GATAD2A: variants seen among roughly 807,000 people sequenced by gnomAD.
GATAD2A encodes GATA zinc finger domain containing 2A.
Under a neutral mutation model 68.5 loss-of-function variants are expected in GATAD2A, and 12 were observed. That is an observed-to-expected ratio of 0.18 (90% CI 0.11 to 0.28). The LOEUF (loss-of-function observed/expected upper bound fraction) is 0.28. GATAD2A is among the 10% of genes least tolerant of loss of function. The pLI is 1.00. For missense variants in GATAD2A, 755 were observed against 868.5 expected, an observed-to-expected ratio of 0.87 and a Z score of 1.64; for synonymous variants, 410 against 375.3, an observed-to-expected ratio of 1.09 and a Z score of -1.07.
chr19:19,419,769 GCCTC>G (rs2052122026), intron 1 of GATAD2A, among the ~76,000 whole-genome samples: 1 of 151,952 alleles, frequency 6.6e-6, no homozygotes, highest in Admixed American at 6.6e-5. Flanking sequence ...GCCTGCCTTG[GCCTC>G]CCAAAGTGCT....
rs1264980346 is a variant in GATAD2A at position 19,465,613 on chromosome 19, A to G, written c.268A>G (p.Ser90Gly). 2 of 1,604,982 alleles carry G rather than the reference A, an allele frequency of 1.2e-6. No individual in the cohort carries two copies. The highest frequency in any genetic ancestry group is 2.7e-5 in the African/African-American group (2 of 74,800). ...DGPVDMRTSH[S>G]DMKSERRPPS... is the part of the protein sequence containing the mutation. ...GCCCGTGGACATGCGCACCTCACACAGGTGAGTGGGAGGAGCCAGCGGGAG... is the reference window on the plus strand; with the variant it reads ...GCCCGTGGACATGCGCACCTCACACGGGTGAGTGGGAGGAGCCAGCGGGAG... Residue 90 changes from serine to glycine, a missense_variant and splice_region_variant, in exon 2 of 12, where the codon AGT becomes GGT. Physicochemically the swap from Ser to Gly is moderately conservative, Grantham distance 56. Coordinates refer to ENST00000683918, the MANE Select transcript of GATAD2A (RefSeq NM_001384528.1).
chr19:19,408,782 G>C (rs7508403), intron 1 of GATAD2A, among the ~76,000 whole-genome samples: 2 of 152,128 alleles, frequency 1.3e-5, no homozygotes, highest in African/African-American at 2.4e-5. Context: ...ATAAACATGG[G>C]GAAACTTACA....
At chr19:19,425,626 G>A (rs1037399644) in intron 1 of GATAD2A, among the ~76,000 whole-genome samples, 3 of 152,106 alleles carry the variant, frequency 2.0e-5, no homozygotes, top group African/African-American at 7.2e-5. Context: ...TACCTCAGGC[G>A]GGGTCACTGG....
chr19:19,403,539 G>C (rs1282587286), upstream of GATAD2A, among the ~76,000 whole-genome samples: 1 of 151,534 alleles, frequency 6.6e-6, no homozygotes, highest in African/African-American at 2.4e-5. Context: ...TCATTAATGT[G>C]TTGCAGTTGA....
intron 1 of GATAD2A, among the ~76,000 whole-genome samples, chr19:19,438,125 C>G (rs1178416925): frequency 6.6e-6 from 1 of 152,216 alleles, no homozygotes; most frequent in Non-Finnish European, 1.5e-5. Flanking sequence ...TGAGACTTGT[C>G]AGAGCCTATT....
At chr19:19,429,270 C>A (rs2053459249) in intron 1 of GATAD2A, 1 of 979,738 alleles carries the variant, frequency 1.0e-6, no homozygotes, top group African/African-American at 1.8e-5. Flanking sequence ...GAGAGCTTGC[C>A]TGAGTAACAG....
chr19:19,508,832 AT>A lies in GATAD2A; in HGVS notation c.*3359del, dbSNP rs2060976562. The A allele has an allele frequency of 6.6e-6, 1 of 152,232 alleles. No individual in the cohort carries two copies. The highest frequency in any genetic ancestry group is 2.4e-5 in the African/African-American group (1 of 41,448). The allele number at this position is 152,232 out of a possible 1,614,324, so 9.4% of individuals were successfully genotyped here. On this transcript the variant is annotated 3_prime_UTR_variant, in exon 12 of 12. Transcript: ENST00000683918. ...AAGAAATGTTTGCCACCAGATGGGA[AT>A]AGAAGTTCCAATAAGCAGGCTGGAA...
chr19:19,389,963 C>T (rs1369075544), intron 1 of GATAD2A, among the ~76,000 whole-genome samples: 3 of 152,110 alleles, frequency 2.0e-5, no homozygotes, highest in Admixed American at 2.0e-4. Flanking sequence ...GAGGTCTCAC[C>T]ATGTTGCCCA....
In GATAD2A at chr19:19,442,196, C is replaced by T. The variant is rs113146381; in HGVS notation, c.-6-23144C>T. 2.1e-3 allele frequency among the ~76,000 whole-genome samples: 324 copies of T among 152,134 alleles called. 2 individuals are homozygous for T. The highest frequency in any genetic ancestry group is 0.016 in the South Asian group (78 of 4,788). On this transcript the variant is annotated intron_variant, in intron 1 of 11. Transcript: ENST00000683918. ...TACTTTAAGTAAAACGCTTAATTCT[C>T]ATTCTGCATTGGGAACATGGTAATT... is the stretch of plus-strand genomic sequence containing the variant.
intron 1 of GATAD2A, among the ~76,000 whole-genome samples, chr19:19,440,934 TCTTCCTTCCCTTTC>T (rs1295670686): frequency 4.8e-5 from 5 of 103,122 alleles, no homozygotes; most frequent in Non-Finnish European, 1.1e-4. Context: ...TCCTTCCTTT[TCTTCCTTCCCTTTC>T]CTTCCTTTTC....
intron 1 of GATAD2A, among the ~76,000 whole-genome samples, chr19:19,448,662 A>AT (rs985573608): frequency 1.3e-4 from 19 of 151,850 alleles, no homozygotes; most frequent in African/African-American, 2.9e-4. Flanking sequence ...TAATTTTTAA[A>AT]TTTTTTTTGT....
At position 19,505,506 on chromosome 19, in the gene GATAD2A, C is replaced by T. The variant is rs774741534; in HGVS notation, c.*32C>T. The T allele has an allele frequency of 1.1e-5, 17 of 1,542,792 alleles. No homozygotes were observed. The highest frequency in any genetic ancestry group is 1.5e-5 in the Non-Finnish European group (17 of 1,144,102). On this transcript the variant is annotated 3_prime_UTR_variant, in exon 12 of 12. Coordinates refer to ENST00000683918, the MANE Select transcript of GATAD2A (RefSeq NM_001384528.1). ...CCAGGCCCCGTGGAAGACGGGCTCCCTCCTCCCCCACCTGGCCCCTGGTCT... is the reference window on the plus strand; with the variant it reads ...CCAGGCCCCGTGGAAGACGGGCTCCTTCCTCCCCCACCTGGCCCCTGGTCT...
chr19:19,395,665 C>A (rs548129274), intron 1 of GATAD2A, among the ~76,000 whole-genome samples: 1 of 152,220 alleles, frequency 6.6e-6, no homozygotes, highest in African/African-American at 2.4e-5. Context: ...TTGTCTGCAC[C>A]AAGAGCTGCC....
intron 1 of GATAD2A, chr19:19,436,278 G>A (rs1306506067): frequency 4.3e-6 from 4 of 934,438 alleles, no homozygotes; most frequent in Middle Eastern, 2.5e-4. Context: ...AGCAGGCTTC[G>A]GTCAGCTTCT....
Position 19,506,438 on chromosome 19 carries a change from T to C in GATAD2A, c.*964T>C, listed in dbSNP as rs1288290373. On this transcript the variant is annotated 3_prime_UTR_variant, in exon 12 of 12. Transcript: ENST00000683918. ...TTTCTATTCATTTCGATGGACGCAA[T>C]CTTAAGCCACCCTGGCCTTGCTCCT... The C allele has an allele frequency of 7.6e-6, 2 of 263,548 alleles. No homozygotes were observed. Among genetic ancestry groups the C allele is most frequent in the African/African-American group, 4.4e-5 (2 of 45,526 alleles). 16.3% of individuals were successfully genotyped at this position (263,548 alleles called of 1,614,324 possible).
intron 1 of GATAD2A, among the ~76,000 whole-genome samples, chr19:19,447,522 G>A (rs572391304): frequency 2.7e-4 from 41 of 152,364 alleles, no homozygotes; most frequent in African/African-American, 9.9e-4. Context: ...CCACCCCTGA[G>A]GGGAAGAGTT....
At chr19:19,432,679 A>G (rs1160394888) in intron 1 of GATAD2A, among the ~76,000 whole-genome samples, 2 of 152,260 alleles carry the variant, frequency 1.3e-5, no homozygotes, top group Non-Finnish European at 2.9e-5. Context: ...TGACAGAACT[A>G]GGATTTTGTT....
In GATAD2A at chr19:19,435,108, A is replaced by G. The variant is rs771795961; in HGVS notation, c.-7+29089A>G. The G allele has an allele frequency of 5.6e-6, 3 of 533,712 alleles. No homozygotes were observed. The Admixed American group carries it at 5.8e-5, about 10-fold the overall frequency. The allele number at this position is 533,712 out of a possible 1,614,324, so 33.1% of individuals were successfully genotyped here. On this transcript the variant is annotated intron_variant, in intron 1 of 11. Transcript: ENST00000683918. Reference sequence around the variant, plus strand: ...GAAGATCAGACACATCAGATCCCTTATCTGTAAAATGGGCATGATCCAGGA... The same window carrying G: ...GAAGATCAGACACATCAGATCCCTTGTCTGTAAAATGGGCATGATCCAGGA...
Position 19,443,425 on chromosome 19 carries a change from C to T in GATAD2A, c.-6-21915C>T, listed in dbSNP as rs143769461. On this transcript the variant is annotated intron_variant, in intron 1 of 11. Coordinates refer to ENST00000683918, the MANE Select transcript of GATAD2A (RefSeq NM_001384528.1). ...GCATACGATTGTGTCAGTAAGGGGA[C>T]CTGTGGATTCCAGCCAGATATGACT... is the stretch of plus-strand genomic sequence containing the variant. Among the ~76,000 whole-genome samples the T allele has an allele frequency of 3.8e-3, 574 of 152,268 alleles. 2 individuals carry two copies. The highest frequency in any genetic ancestry group is 0.01 in the Middle Eastern group (3 of 294).
Sources: allele counts gnomAD v4.1 joint callset (sites outside exome capture counted in the v4.1 genomes callset), GRCh38; gene constraint gnomAD v4.1.1; transcripts MANE v1.5; gene names NCBI Gene and HGNC (gene_info 2026-07-23, HGNC 2026-07-21).